THSD7B: variants seen among roughly 807,000 people sequenced by gnomAD.
THSD7B encodes thrombospondin type 1 domain containing 7B.
Under a neutral mutation model 213.6 loss-of-function variants are expected in THSD7B, and 138 were observed. That is an observed-to-expected ratio of 0.65 (90% CI 0.56 to 0.74). The LOEUF is 0.74. THSD7B is among the 30% of genes least tolerant of loss of function. The pLI, the probability that THSD7B is intolerant of heterozygous loss-of-function variation, is 0.00. For synonymous variants in THSD7B, 742 were observed against 687.0 expected, an observed-to-expected ratio of 1.08 and a Z score of -1.25; for missense variants, 1,931 against 1,991.5, an observed-to-expected ratio of 0.97 and a Z score of 0.58.
chr2:137,412,572 G>A (rs1237973034), intron 14 of THSD7B, among the ~76,000 whole-genome samples: 3 of 136,106 alleles, frequency 2.2e-5, no homozygotes, highest in East Asian at 4.3e-4. Context: ...ACTCTTTCCT[G>A]GGCAACGAGA....
chr2:137,405,828 T>G, intron 13 of THSD7B, 21 bp downstream of exon 13: 1 of 1,580,534 alleles, frequency 6.3e-7, no homozygotes, highest in Non-Finnish European at 8.6e-7. Flanking sequence ...CATTTTACTC[T>G]TTAGCATCAG....
chr2:136,804,438 A>ACC (rs1491187004), intron 1 of THSD7B, among the ~76,000 whole-genome samples: 2 of 138,592 alleles, frequency 1.4e-5, no homozygotes, highest in Non-Finnish European at 3.2e-5. Flanking sequence ...ACACACACAC[A>ACC]CCCTTACCCT....
intron 2 of THSD7B, among the ~76,000 whole-genome samples, chr2:136,889,378 A>G (rs1217928376): frequency 1.3e-5 from 2 of 152,126 alleles, no homozygotes; most frequent in East Asian, 3.9e-4. Context: ...TTCTTAGTTG[A>G]TAGATATTAG....
At chr2:136,984,174 C>T (rs1685632431) in intron 2 of THSD7B, among the ~76,000 whole-genome samples, 1 of 152,174 alleles carries the variant, frequency 6.6e-6, no homozygotes, top group South Asian at 2.1e-4. Flanking sequence ...CCTCATAGCA[C>T]TTTTCTGTCC....
intron 17 of THSD7B, among the ~76,000 whole-genome samples, chr2:137,576,459 C>A (rs533423179): frequency 6.6e-6 from 1 of 152,222 alleles, no homozygotes; most frequent in East Asian, 1.9e-4. Flanking sequence ...AAGGAAACTT[C>A]ATGATCAAAA....
chr2:136,973,291 G>A (rs916665463), intron 2 of THSD7B, among the ~76,000 whole-genome samples: 4 of 152,126 alleles, frequency 2.6e-5, no homozygotes, highest in African/African-American at 4.8e-5. Context: ...CCTTTCAAGT[G>A]TATAATTAAT....
At chr2:137,024,390 GTGGGGTTTAGT>G (rs1558891012) in intron 2 of THSD7B, among the ~76,000 whole-genome samples, 1 of 152,146 alleles carries the variant, frequency 6.6e-6, no homozygotes, top group Non-Finnish European at 1.5e-5. Flanking sequence ...CTGAGGCAGG[GTGGGGTTTAGT>G]ATCATTAGCA....
intron 12 of THSD7B, among the ~76,000 whole-genome samples, chr2:137,330,914 A>C (rs1056852725): frequency 1.3e-5 from 2 of 149,724 alleles, no homozygotes; most frequent in African/African-American, 4.9e-5. Flanking sequence ...TGATTGGTGC[A>C]TTTACAATCC....
At chr2:137,539,583 A>C (rs1387116926) in intron 15 of THSD7B, among the ~76,000 whole-genome samples, 1 of 151,750 alleles carries the variant, frequency 6.6e-6, no homozygotes, top group Non-Finnish European at 1.5e-5. Context: ...GGTCATGTGC[A>C]AACAGCTTGT....
chr2:137,024,720 C>G (rs913441431), intron 2 of THSD7B, among the ~76,000 whole-genome samples: 1 of 152,124 alleles, frequency 6.6e-6, no homozygotes, highest in Non-Finnish European at 1.5e-5. Context: ...TCCTGTTCTT[C>G]CCACACATAG....
chr2:137,674,692 C>T (rs1683655978), intron 27 of THSD7B, among the ~76,000 whole-genome samples: 1 of 152,170 alleles, frequency 6.6e-6, no homozygotes, highest in South Asian at 2.1e-4. Context: ...GGCTGAAGCT[C>T]CCTCTGGAGA....
At chr2:137,461,578 T>C (rs918794980) in intron 15 of THSD7B, among the ~76,000 whole-genome samples, 1 of 152,060 alleles carries the variant, frequency 6.6e-6, no homozygotes, top group Non-Finnish European at 1.5e-5. Flanking sequence ...CTGTCTCTTA[T>C]CTCCTTCCCT....
intron 1 of THSD7B, among the ~76,000 whole-genome samples, chr2:136,774,604 G>A (rs1681568089): frequency 6.6e-6 from 1 of 152,016 alleles, no homozygotes; most frequent in Non-Finnish European, 1.5e-5. Context: ...GTCTCTTTTG[G>A]TGGGGGGATG....
chr2:136,804,745 T>G (rs549429848), intron 1 of THSD7B, among the ~76,000 whole-genome samples: 1 of 152,178 alleles, frequency 6.6e-6, no homozygotes, highest in South Asian at 2.1e-4. Context: ...AAGTTACTTT[T>G]TCCATTTGGG....
At chr2:136,952,389 C>T (rs1685051207) in intron 2 of THSD7B, among the ~76,000 whole-genome samples, 1 of 148,900 alleles carries the variant, frequency 6.7e-6, no homozygotes, top group African/African-American at 2.5e-5. Flanking sequence ...TCTCAGTTTC[C>T]ATGAAAAATA....
intron 1 of THSD7B, among the ~76,000 whole-genome samples, chr2:136,856,036 C>G (rs1185266480): frequency 6.6e-6 from 1 of 152,148 alleles, no homozygotes; most frequent in Non-Finnish European, 1.5e-5. Flanking sequence ...TAAGCACTTT[C>G]TATTACACCA....
chr2:137,597,014 G>A (rs1388669009), intron 17 of THSD7B, among the ~76,000 whole-genome samples: 3 of 152,010 alleles, frequency 2.0e-5, no homozygotes, highest in Non-Finnish European at 4.4e-5. Flanking sequence ...ACCATTGTGT[G>A]GTTTTTCACC....
rs543801580 is a variant in THSD7B, at chr2:137,642,043, C to T, written c.3800-445C>T. On this transcript the variant is annotated intron_variant, in intron 20 of 27. Coordinates refer to ENST00000409968, the MANE Select transcript of THSD7B (RefSeq NM_001316349.2). ...TGCCTCACAGAAGAGGCAATGCTCA[C>T]TATTTTGGTTTAATATTTGTAATCC... is the stretch of plus-strand genomic sequence containing the variant. Among the ~76,000 whole-genome samples, 124 of 152,274 alleles carry T rather than the reference C, an allele frequency of 8.1e-4. 2 individuals are homozygous for T. Among genetic ancestry groups the T allele is most frequent in the African/African-American group, 2.9e-3 (120 of 41,564 alleles).
chr2:137,558,923 G>C (rs575489923), intron 15 of THSD7B, among the ~76,000 whole-genome samples: 1 of 152,146 alleles, frequency 6.6e-6, no homozygotes, highest in Admixed American at 6.6e-5. Context: ...ACCAATAACA[G>C]ACAAACAGAG....
Sources: allele counts gnomAD v4.1 joint callset (sites outside exome capture counted in the v4.1 genomes callset), GRCh38; gene constraint gnomAD v4.1.1; transcripts MANE v1.5; gene names NCBI Gene and HGNC (gene_info 2026-07-23, HGNC 2026-07-21).